FSHR: variants seen among roughly 807,000 people sequenced by gnomAD.
FSHR encodes follicle-stimulating hormone receptor.
FSHR carries 46 observed loss-of-function variants against 52.1 expected under a neutral mutation model. The observed-to-expected ratio is 0.88, with a 90% CI of 0.70 to 1.13. The LOEUF (loss-of-function observed/expected upper bound fraction) is 1.13, where lower values mean the gene tolerates loss of function less well. Among genes scored for constraint, FSHR ranks in the 50% most tolerant of loss-of-function variants. The pLI, the probability that FSHR is intolerant of heterozygous loss-of-function variation, is 0.00. For synonymous variants in FSHR, 399 were observed against 309.6 expected (o/e 1.29, Z -3.03); for missense variants, 964 against 834.6 (o/e 1.16, Z -1.91).
rs78784563 is a variant in FSHR, at chr2:49,020,012, C to T, written c.299+74G>A. On this transcript the variant is annotated intron_variant, in intron 3 of 9. Transcript: ENST00000406846. ...TGAGGCCATGGCAGAATCAGGGCCT[C>T]CCAGGAATGTAGAAGAACTTTAAGG... 0.021 allele frequency: 27,280 copies of T among 1,290,656 alleles called. 384 individuals are homozygous for T. Among genetic ancestry groups the T allele is most frequent in the Non-Finnish European group, 0.025 (22,482 of 885,324 alleles). 80.0% of individuals were successfully genotyped at this position (1,290,656 alleles called of 1,614,324 possible).
At chr2:48,996,789 G>A (rs1249087672) in intron 4 of FSHR, among the ~76,000 whole-genome samples, 1 of 152,080 alleles carries the variant, frequency 6.6e-6, no homozygotes, top group Non-Finnish European at 1.5e-5. Context: ...TAGGAATAAT[G>A]CAAAAGTGTT....
At position 48,963,624 on chromosome 2, in the gene FSHR, G is replaced by A; in HGVS notation, c.1197C>T (p.Phe399=). 6.2e-7 allele frequency: 1 copy of A among 1,614,162 alleles called. No homozygotes were observed. The highest frequency in any genetic ancestry group is 8.5e-7 in the Non-Finnish European group (1 of 1,180,008). Residue 399 remains phenylalanine, a synonymous_variant, in exon 10 of 10, where the codon TTC becomes TTT. Transcript: ENST00000406846. The stretch of plus-strand genomic sequence containing the variant: ...CAGCAAAGGCCAGGTTGCACATAAG[G>A]AACCTGGGGACTGTGAGTTTATATT... ...TSQYKLTVPR[F]LMCNLAFADL... is the part of the protein sequence containing the mutation.
At chr2:49,067,893 C>T (rs911512281) in intron 2 of FSHR, among the ~76,000 whole-genome samples, 8 of 151,858 alleles carry the variant, frequency 5.3e-5, no homozygotes, top group Non-Finnish European at 7.4e-5. Context: ...TAGAAAGTAT[C>T]TCTGAAAGAG....
chr2:49,021,410 A>G (rs1667691668), intron 2 of FSHR, among the ~76,000 whole-genome samples: 1 of 152,192 alleles, frequency 6.6e-6, no homozygotes, highest in Non-Finnish European at 1.5e-5. Context: ...TGCAGTTTTA[A>G]TGCGGCAGCT....
At chr2:49,118,931 A>G (rs1232796518) in intron 1 of FSHR, among the ~76,000 whole-genome samples, 4 of 152,184 alleles carry the variant, frequency 2.6e-5, no homozygotes, top group Non-Finnish European at 5.9e-5. Flanking sequence ...TTTCTTGACT[A>G]TGTACTTTTT....
At chr2:49,079,658 A>G (rs895487169) in intron 1 of FSHR, among the ~76,000 whole-genome samples, 1 of 152,292 alleles carries the variant, frequency 6.6e-6, no homozygotes, top group African/African-American at 2.4e-5. Context: ...TGGACTAATC[A>G]ATAAAGGATG....
intron 1 of FSHR, among the ~76,000 whole-genome samples, chr2:49,127,754 C>T (rs1348266206): frequency 6.8e-5 from 1 of 14,756 alleles, no homozygotes; most frequent in Non-Finnish European, 1.3e-4. Context: ...CTTCTTCTTT[C>T]TTCTTCTTCT....
chr2:48,987,227 G>A (rs544727592), intron 6 of FSHR, among the ~76,000 whole-genome samples: 7 of 151,832 alleles, frequency 4.6e-5, no homozygotes, highest in African/African-American at 7.2e-5. Context: ...TTTTTGAGAT[G>A]GAGTCTCACT....
chr2:49,126,009 C>G (rs1446418149), intron 1 of FSHR, among the ~76,000 whole-genome samples: 1 of 152,194 alleles, frequency 6.6e-6, no homozygotes, highest in African/African-American at 2.4e-5. Flanking sequence ...CATAACAAGC[C>G]AGAAGAAAGA....
intron 2 of FSHR, among the ~76,000 whole-genome samples, chr2:49,061,868 T>G (rs1669322789): frequency 6.9e-6 from 1 of 144,668 alleles, no homozygotes; most frequent in African/African-American, 2.5e-5. Context: ...TATATTTATA[T>G]ATATATATTT....
Position 49,028,660 on chromosome 2 carries a change from G to C in FSHR, c.225-8500C>G, listed in dbSNP as rs547924338. Reference sequence around the variant, plus strand: ...TTAGTTGTAGCATTGTGAGAAGAAAGCTCTTCCTGTGGAAGGTGAACAGAA... The same window carrying C: ...TTAGTTGTAGCATTGTGAGAAGAAACCTCTTCCTGTGGAAGGTGAACAGAA... On this transcript the variant is annotated intron_variant, in intron 2 of 9. Coordinates refer to ENST00000406846, the MANE Select transcript of FSHR (RefSeq NM_000145.4). Among the ~76,000 whole-genome samples, 114 of 152,292 alleles carry C rather than the reference G, an allele frequency of 7.5e-4. 1 individual carries two copies. Among genetic ancestry groups the C allele is most frequent in the African/African-American group, 2.7e-3 (113 of 41,558 alleles).
intron 2 of FSHR, among the ~76,000 whole-genome samples, chr2:49,055,786 C>T (rs2104312818): frequency 6.6e-6 from 1 of 151,832 alleles, no homozygotes; most frequent in East Asian, 1.9e-4. Flanking sequence ...AGCTGCGAGA[C>T]AAGAATACTA....
rs1558457051 is a variant in FSHR at position 49,127,888 on chromosome 2, TCTTCTTC to T, written c.152+26371_152+26377del. ...TTCTTCTTCTTCTTCTTCTTCTTCT[TCTTCTTC>T]TTCTTTTTTTTTTTTGAGACGGAGT... is the stretch of plus-strand genomic sequence containing the variant. On this transcript the variant is annotated intron_variant, in intron 1 of 9. Coordinates refer to ENST00000406846, the MANE Select transcript of FSHR (RefSeq NM_000145.4). Among the ~76,000 whole-genome samples, 313 of 46,938 alleles carry T rather than the reference TCTTCTTC, an allele frequency of 6.7e-3. 31 individuals carry two copies. The highest frequency in any genetic ancestry group is 0.055 in the East Asian group (75 of 1,352). The allele number at this position is 46,938 out of a possible 152,430, so 30.8% of individuals were successfully genotyped here. A position where few individuals can be genotyped will look rare whatever the true frequency, so the allele number is the denominator to read the frequency against.
At chr2:49,132,222 C>A (rs893819076) in intron 1 of FSHR, among the ~76,000 whole-genome samples, 1 of 152,126 alleles carries the variant, frequency 6.6e-6, no homozygotes, top group East Asian at 1.9e-4. Context: ...ATGCTGAACT[C>A]AGGACTTTGA....
intron 1 of FSHR, among the ~76,000 whole-genome samples, chr2:49,075,878 G>A (rs1461259315): frequency 6.6e-6 from 1 of 152,052 alleles, no homozygotes; most frequent in South Asian, 2.1e-4. Context: ...TGGCTGGAGT[G>A]AACCACCTGT....
At chr2:49,115,290 G>C (rs1671559690) in intron 1 of FSHR, among the ~76,000 whole-genome samples, 1 of 151,928 alleles carries the variant, frequency 6.6e-6, no homozygotes. Flanking sequence ...GCATTTTTTA[G>C]ATGTGAAACA....
chr2:49,016,127 C>A (rs1160423899), intron 4 of FSHR, among the ~76,000 whole-genome samples: 1 of 152,114 alleles, frequency 6.6e-6, no homozygotes, highest in Non-Finnish European at 1.5e-5. Context: ...CTGTTAAGTC[C>A]AGTTCTTATG....
At position 48,963,055 on chromosome 2, in the gene FSHR, G is replaced by C; in HGVS notation, c.1766C>G (p.Ser589Cys). 6.2e-7 allele frequency: 1 copy of C among 1,614,092 alleles called. No individual in the cohort carries two copies. Among genetic ancestry groups the C allele is most frequent in the East Asian group, 2.2e-5 (1 of 44,868 alleles). ...FTDFLCMAPI[S>C]FFAISASLKV... The stretch of plus-strand genomic sequence containing the variant: ...GAGGGAGGCAGAAATGGCAAAGAAA[G>C]AAATGGGTGCCATGCAGAGGAAGTC... The change falls in exon 10 of 10, where the codon TCT (serine) becomes TGT (cysteine). Residue 589 changes from serine (S) to cysteine (C), a missense_variant. Physicochemically the swap from Ser to Cys is moderately radical, Grantham distance 112. Transcript: ENST00000406846.
intron 1 of FSHR, among the ~76,000 whole-genome samples, chr2:49,146,189 T>C (rs897518488): frequency 1.3e-5 from 2 of 152,010 alleles, no homozygotes; most frequent in Admixed American, 6.6e-5. Flanking sequence ...GAGGCTACTA[T>C]TGTGAGAAGA....
Sources: allele counts gnomAD v4.1 joint callset (sites outside exome capture counted in the v4.1 genomes callset), GRCh38; gene constraint gnomAD v4.1.1; transcripts MANE v1.5; gene names NCBI Gene and HGNC (gene_info 2026-07-23, HGNC 2026-07-21).